CAMTA1: variants seen among roughly 807,000 people sequenced by gnomAD.
CAMTA1 encodes the protein calmodulin binding transcription activator 1, also known as calmodulin-binding transcription activator 1.
CAMTA1 carries 27 observed loss-of-function variants against 170.9 expected under a neutral mutation model. The ratio of observed to expected loss-of-function variants is 0.16; its 90% CI spans 0.12 to 0.22. The LOEUF (loss-of-function observed/expected upper bound fraction) is 0.22, where lower values mean the gene tolerates loss of function less well. Ranked by LOEUF, CAMTA1 falls within the 10% of genes least tolerant of loss-of-function variation. The pLI, the probability that CAMTA1 is intolerant of heterozygous loss-of-function variation, is 1.00. For synonymous variants in CAMTA1, 833 were observed against 891.5 expected (o/e 0.93, Z 1.17); for missense variants, 1,619 against 2,217.2 (o/e 0.73, Z 5.42).
intron 3 of CAMTA1, among the ~76,000 whole-genome samples, chr1:6,846,202 T>G (rs955710465): frequency 6.6e-6 from 1 of 152,234 alleles, no homozygotes; most frequent in Non-Finnish European, 1.5e-5. Flanking sequence ...CTTTTCACCA[T>G]GTATATTTGG....
intron 3 of CAMTA1, among the ~76,000 whole-genome samples, chr1:6,932,098 G>A (rs1023153413): frequency 4.6e-5 from 7 of 152,104 alleles, no homozygotes; most frequent in African/African-American, 1.7e-4. Flanking sequence ...GTGAGTTCTG[G>A]CATCACCATC....
intron 5 of CAMTA1, among the ~76,000 whole-genome samples, chr1:7,395,239 G>GTT (rs1220905061): frequency 6.6e-6 from 1 of 152,064 alleles, no homozygotes. Context: ...AATCCATTTT[G>GTT]TTTTTTTGTA....
At chr1:7,156,385 G>A (rs2148722455) in intron 4 of CAMTA1, among the ~76,000 whole-genome samples, 1 of 152,292 alleles carries the variant, frequency 6.6e-6, no homozygotes, top group East Asian at 1.9e-4. Flanking sequence ...AGTAATGTAG[G>A]CAGGACAGTG....
intron 3 of CAMTA1, among the ~76,000 whole-genome samples, chr1:6,860,107 A>G (rs6664327): frequency 0.033 from 5,014 of 152,124 alleles, 291 homozygotes; most frequent in African/African-American, 0.11. Context: ...TAAAAGAAGT[A>G]TGTATAATAT....
At chr1:7,336,310 G>C (rs1044520591) in intron 5 of CAMTA1, among the ~76,000 whole-genome samples, 1 of 152,222 alleles carries the variant, frequency 6.6e-6, no homozygotes, top group Non-Finnish European at 1.5e-5. Flanking sequence ...CTATTCAGTT[G>C]GGCCATCTCT....
chr1:7,743,369 A>G (rs965574696), intron 16 of CAMTA1, among the ~76,000 whole-genome samples: 2 of 152,108 alleles, frequency 1.3e-5, no homozygotes, highest in African/African-American at 4.8e-5. Context: ...TACCCATTTT[A>G]AATGCTCAGG....
intron 3 of CAMTA1, among the ~76,000 whole-genome samples, chr1:6,999,985 G>A (rs528766198): frequency 1.3e-5 from 2 of 152,344 alleles, no homozygotes; most frequent in Admixed American, 1.3e-4. Flanking sequence ...ACCAAGGGGT[G>A]GAGAAAGAGA....
chr1:7,598,109 C>T (rs1197795486), intron 6 of CAMTA1, among the ~76,000 whole-genome samples: 4 of 150,250 alleles, frequency 2.7e-5, no homozygotes, highest in Non-Finnish European at 4.4e-5. Flanking sequence ...CAACAGGCCC[C>T]GGTGTGTGAT....
chr1:6,948,858 A>G (rs1262346717), intron 3 of CAMTA1, among the ~76,000 whole-genome samples: 1 of 152,170 alleles, frequency 6.6e-6, no homozygotes, highest in Non-Finnish European at 1.5e-5. Context: ...GAGGTGATCG[A>G]AGAAATTTAT....
rs116596001 is a variant in CAMTA1 at position 6,801,585 on chromosome 1, C to T, written c.45+16010C>T. On this transcript the variant is annotated intron_variant, in intron 1 of 22. Transcript: ENST00000303635. The stretch of plus-strand genomic sequence containing the variant: ...AAATAAGCTATGGCTAATGGTGATA[C>T]ACAATAGGAATGTCCCTAATTTCAC... Among the ~76,000 whole-genome samples, 665 of 152,192 alleles carry T rather than the reference C, an allele frequency of 4.4e-3. 4 individuals carry two copies. The highest frequency in any genetic ancestry group is 6.0e-3 in the Non-Finnish European group (409 of 68,016).
At chr1:7,217,381 T>C (rs1292732992) in intron 4 of CAMTA1, among the ~76,000 whole-genome samples, 1 of 152,234 alleles carries the variant, frequency 6.6e-6, no homozygotes, top group Admixed American at 6.5e-5. Flanking sequence ...GGGCAGTTCT[T>C]TATAGCAGTG....
At chr1:7,105,844 A>G (rs1377547693) in intron 4 of CAMTA1, among the ~76,000 whole-genome samples, 1 of 151,946 alleles carries the variant, frequency 6.6e-6, no homozygotes, top group African/African-American at 2.4e-5. Context: ...GAGAGGCTGA[A>G]GTGGGAGGAT....
rs141115190 is a variant in CAMTA1, at chr1:7,082,927, G to A, written c.235-8377G>A. On this transcript the variant is annotated intron_variant, in intron 3 of 22. Transcript: ENST00000303635. Reference sequence around the variant, plus strand: ...CTGCACCCCATCTGTCTTCCCAGCTGTATTTCCCAGGGCCGTTACTCATGT... The same window carrying A: ...CTGCACCCCATCTGTCTTCCCAGCTATATTTCCCAGGGCCGTTACTCATGT... 3.3e-5 allele frequency among the ~76,000 whole-genome samples: 5 copies of A among 152,306 alleles called. No individual in the cohort carries two copies. In the East Asian group the frequency reaches 7.7e-4, roughly 23 times the overall value.
At chr1:6,945,902 T>C (rs903348568) in intron 3 of CAMTA1, among the ~76,000 whole-genome samples, 1 of 152,254 alleles carries the variant, frequency 6.6e-6, no homozygotes. Flanking sequence ...TGTTCATTCG[T>C]TAGTCGACGG....
Position 7,287,870 on chromosome 1 carries a change from A to G in CAMTA1, c.438+38244A>G, listed in dbSNP as rs139730774. Among the ~76,000 whole-genome samples, 675 of 152,300 alleles carry G rather than the reference A, an allele frequency of 4.4e-3. 8 individuals carry two copies. Among genetic ancestry groups the G allele is most frequent in the Admixed American group, 0.024 (369 of 15,300 alleles). On this transcript the variant is annotated intron_variant, in intron 5 of 22. Transcript: ENST00000303635. ...GGGAAGAGAGTGAAGGTGTTGTAGC[A>G]GCCAGGCCTGGAAGTGGCATACATC...
At chr1:7,730,535 G>A (rs1372918655) in intron 11 of CAMTA1, among the ~76,000 whole-genome samples, 1 of 152,160 alleles carries the variant, frequency 6.6e-6, no homozygotes, top group African/African-American at 2.4e-5. Context: ...ACCAAGGCCT[G>A]CCTGTGCTAG....
At chr1:7,270,206 T>C (rs1372396469) in intron 5 of CAMTA1, among the ~76,000 whole-genome samples, 1 of 137,254 alleles carries the variant, frequency 7.3e-6, no homozygotes, top group Admixed American at 7.6e-5. Context: ...TATATACACA[T>C]ATATATACAT....
chr1:7,757,782 A>T (rs573440003), intron 22 of CAMTA1, among the ~76,000 whole-genome samples: 15 of 152,310 alleles, frequency 9.8e-5, no homozygotes, highest in African/African-American at 3.6e-4. Context: ...AATTTTAAAG[A>T]TTTAAAGGCT....
chr1:7,553,152 T>C (rs2094826698), intron 6 of CAMTA1, among the ~76,000 whole-genome samples: 1 of 152,180 alleles, frequency 6.6e-6, no homozygotes, highest in African/African-American at 2.4e-5. Context: ...AATGAATGAA[T>C]GAGTGAATGC....
Sources: allele counts gnomAD v4.1 joint callset (sites outside exome capture counted in the v4.1 genomes callset), GRCh38; gene constraint gnomAD v4.1.1; transcripts MANE v1.5; gene names NCBI Gene and HGNC (gene_info 2026-07-23, HGNC 2026-07-21).